Variants in ASTN2 observed in about 807,000 individuals in gnomAD.
ASTN2 encodes astrotactin 2.
ASTN2 carries 54 observed loss-of-function variants against 139.8 expected under a neutral mutation model. The ratio of observed to expected loss-of-function variants is 0.39; its 90% CI spans 0.31 to 0.48. The LOEUF (loss-of-function observed/expected upper bound fraction) is 0.48. Ranked by LOEUF, ASTN2 falls within the 20% of genes least tolerant of loss-of-function variation. The probability of loss-of-function intolerance (pLI) is 0.95; values close to 1 mark genes in which losing one functional copy is unlikely to be tolerated. For missense variants in ASTN2, 1,565 were observed against 1,725.1 expected (o/e 0.91, Z 1.64); for synonymous variants, 756 against 719.5 (o/e 1.05, Z -0.81).
chr9:117,204,694 G>A (rs1831855153), intron 3 of ASTN2, among the ~76,000 whole-genome samples: 1 of 152,138 alleles, frequency 6.6e-6, no homozygotes, highest in South Asian at 2.1e-4. Flanking sequence ...AGCATTTGGA[G>A]TTCATTTATC....
At chr9:116,944,239 A>G (rs1182419125) in intron 10 of ASTN2, among the ~76,000 whole-genome samples, 1 of 152,000 alleles carries the variant, frequency 6.6e-6, no homozygotes, top group Non-Finnish European at 1.5e-5. Context: ...TGCTTCCTGA[A>G]TTCATGCTCT....
chr9:116,811,561 C>T (rs1290946258), intron 12 of ASTN2, among the ~76,000 whole-genome samples: 1 of 152,162 alleles, frequency 6.6e-6, no homozygotes, highest in East Asian at 1.9e-4. Flanking sequence ...TTAGAGCTAA[C>T]TAAACTTGAG....
chr9:117,228,297 G>A (rs1188011845), intron 2 of ASTN2, among the ~76,000 whole-genome samples: 6 of 152,094 alleles, frequency 3.9e-5, no homozygotes. Flanking sequence ...AAACAAAGCT[G>A]CAAATCTGCC....
chr9:116,752,026 C>T (rs1177718890), intron 13 of ASTN2, among the ~76,000 whole-genome samples: 1 of 151,976 alleles, frequency 6.6e-6, no homozygotes, highest in Non-Finnish European at 1.5e-5. Flanking sequence ...GGCAAAAGAC[C>T]CAGAATAGTC....
chr9:116,843,947 T>TA (rs1232608934), intron 11 of ASTN2, among the ~76,000 whole-genome samples: 2 of 152,152 alleles, frequency 1.3e-5, no homozygotes, highest in Non-Finnish European at 2.9e-5. Flanking sequence ...AATCAAATTT[T>TA]AAAAAACTCT....
At chr9:116,819,797 T>A (rs1164569369) in intron 12 of ASTN2, among the ~76,000 whole-genome samples, 1 of 152,220 alleles carries the variant, frequency 6.6e-6, no homozygotes, top group East Asian at 1.9e-4. Flanking sequence ...TCTGTTCTTG[T>A]AAGTGATTAC....
chr9:116,492,597 T>C (rs968074238), intron 19 of ASTN2, among the ~76,000 whole-genome samples: 2 of 152,154 alleles, frequency 1.3e-5, no homozygotes, highest in African/African-American at 4.8e-5. Flanking sequence ...ACCAGCCAAC[T>C]TATGAGATAA....
intron 13 of ASTN2, among the ~76,000 whole-genome samples, chr9:116,804,890 C>A (rs940519329): frequency 3.5e-5 from 5 of 142,256 alleles, no homozygotes; most frequent in Non-Finnish European, 6.1e-5. Context: ...TCCATACATA[C>A]AACAAATCTC....
At chr9:117,310,031 G>C (rs1261441999) in intron 1 of ASTN2, among the ~76,000 whole-genome samples, 1 of 152,276 alleles carries the variant, frequency 6.6e-6, no homozygotes, top group East Asian at 1.9e-4. Context: ...TCTCTGGAAT[G>C]GGGTAAATAA....
At chr9:116,426,824 T>C (rs754528511) in intron 22 of ASTN2, among the ~76,000 whole-genome samples, 1 of 152,152 alleles carries the variant, frequency 6.6e-6, no homozygotes, top group Non-Finnish European at 1.5e-5. Flanking sequence ...AAAGTGATGA[T>C]GGTCTTATCC....
intron 19 of ASTN2, among the ~76,000 whole-genome samples, chr9:116,569,641 C>T (rs555637785): frequency 4.7e-4 from 71 of 152,270 alleles, no homozygotes; most frequent in African/African-American, 1.6e-3. Context: ...TGTTTTGCTG[C>T]CTTCCTTCTT....
chr9:117,187,335 A>G (rs1831226597), intron 3 of ASTN2, among the ~76,000 whole-genome samples: 1 of 152,138 alleles, frequency 6.6e-6, no homozygotes. Context: ...GGAAGAGAGA[A>G]CAGAGATGCA....
intron 16 of ASTN2, among the ~76,000 whole-genome samples, chr9:116,680,490 C>T (rs929210503): frequency 8.6e-5 from 13 of 152,036 alleles, no homozygotes; most frequent in South Asian, 2.1e-4. Context: ...TTCCAATCAA[C>T]AGAAAAAGAG....
At chr9:117,009,525 G>T (rs1278617053) in intron 6 of ASTN2, among the ~76,000 whole-genome samples, 1 of 152,078 alleles carries the variant, frequency 6.6e-6, no homozygotes, top group African/African-American at 2.4e-5. Flanking sequence ...TTCACAGGGG[G>T]AAAAATATGT....
At chr9:117,329,340 A>T (rs1429190867) in intron 1 of ASTN2, among the ~76,000 whole-genome samples, 3 of 151,830 alleles carry the variant, frequency 2.0e-5, no homozygotes, top group South Asian at 2.1e-4. Flanking sequence ...TGTAGAGATC[A>T]AGTTTTGGCC....
intron 16 of ASTN2, among the ~76,000 whole-genome samples, chr9:116,708,795 A>G (rs960042242): frequency 7.2e-5 from 11 of 152,216 alleles, no homozygotes; most frequent in African/African-American, 2.4e-4. Flanking sequence ...TTCTGGAGAC[A>G]GCATATTTCT....
chr9:117,070,531 T>C (rs1024574936), intron 5 of ASTN2, among the ~76,000 whole-genome samples: 6 of 137,198 alleles, frequency 4.4e-5, no homozygotes, highest in Admixed American at 2.2e-4. Context: ...GCGTTCTCTG[T>C]ATTTCCTGAA....
intron 16 of ASTN2, among the ~76,000 whole-genome samples, chr9:116,662,036 A>G (rs1401672858): frequency 2.0e-5 from 3 of 151,714 alleles, no homozygotes; most frequent in Admixed American, 1.3e-4. Context: ...ATATATATAT[A>G]TAAAAGGTGA....
chr9:117,017,959 A>T (rs905661117), intron 6 of ASTN2, among the ~76,000 whole-genome samples: 5 of 28,160 alleles, frequency 1.8e-4, no homozygotes, highest in African/African-American at 4.3e-4. Flanking sequence ...CAGTCTCATT[A>T]AAAAAAAAAA....
Sources: gnomAD v4.1 joint callset for allele counts (sites outside exome capture counted in the v4.1 genomes callset) on GRCh38, gnomAD v4.1.1 for gene constraint, MANE v1.5 for transcripts, NCBI Gene and HGNC (gene_info 2026-07-23, HGNC 2026-07-21) for gene names.